Variants in NIPAL1 observed in about 807,000 individuals in gnomAD.
NIPAL1 encodes the protein magnesium transporter NIPA3.
Under a neutral mutation model 37.7 loss-of-function variants are expected in NIPAL1, and 35 were observed. That is an observed-to-expected ratio of 0.93 (90% confidence interval 0.71 to 1.23). The LOEUF is 1.23. Ranked by LOEUF, NIPAL1 falls within the 50% of genes most tolerant of loss-of-function variation. The pLI is 0.00. For synonymous variants in NIPAL1, 162 were observed against 183.0 expected, an observed-to-expected ratio of 0.89 and a Z score of 0.93; for missense variants, 412 against 473.9, an observed-to-expected ratio of 0.87 and a Z score of 1.21.
In NIPAL1 at chr4:48,037,649, A is replaced by T. The variant is rs1485816410; in HGVS notation, c.*1477A>T. Reference sequence around the variant, plus strand: ...TATAATTAGTTACTAACCTTTAAAAATAGATATATTCTAATAGGATAGAAA... The same window carrying T: ...TATAATTAGTTACTAACCTTTAAAATTAGATATATTCTAATAGGATAGAAA... On this transcript the variant is annotated 3_prime_UTR_variant, in exon 6 of 6. Coordinates refer to ENST00000295461, the MANE Select transcript of NIPAL1 (RefSeq NM_207330.3). The T allele has an allele frequency of 6.5e-6, 1 of 154,080 alleles. No individual in the cohort carries two copies. Among genetic ancestry groups the T allele is most frequent in the Non-Finnish European group, 1.4e-5 (1 of 69,296 alleles). The allele number at this position is 154,080 out of a possible 1,614,324, so 9.5% of individuals were successfully genotyped here. A position where few individuals can be genotyped will look rare whatever the true frequency, so the allele number is the denominator to read the frequency against.
intron 1 of NIPAL1, among the ~76,000 whole-genome samples, chr4:48,021,888 T>C (rs1232289955): frequency 2.1e-5 from 1 of 48,318 alleles, no homozygotes; most frequent in African/African-American, 4.8e-5. Flanking sequence ...TACATTGGTG[T>C]GTATATATAT....
Position 48,035,489 on chromosome 4 carries a change from G to T in NIPAL1, c.623-73G>T. The T allele has an allele frequency of 2.9e-6, 4 of 1,399,032 alleles. No homozygotes were observed. The South Asian group carries it at 3.8e-5, about 13-fold the overall frequency. 86.7% of individuals were successfully genotyped at this position (1,399,032 alleles called of 1,614,324 possible). The stretch of plus-strand genomic sequence containing the variant: ...AAAATACCTATGCTCTTAAACTCAT[G>T]ACTAACAAGATTTCAGAAAGGTATA... On this transcript the variant is annotated intron_variant, in intron 5 of 5. Coordinates refer to ENST00000295461, the MANE Select transcript of NIPAL1 (RefSeq NM_207330.3).
At position 48,025,310 on chromosome 4, in the gene NIPAL1, G is replaced by A. The variant is rs138889509; in HGVS notation, c.289G>A (p.Ala97Thr). The change falls in exon 2 of 6, where the codon GCC (alanine) becomes ACC (threonine). Residue 97 changes from alanine to threonine, a missense_variant. Transcript: ENST00000295461. ...ILKKKGLLQL[A>T]SKGFTRAGQG... Reference sequence around the variant, plus strand: ...GAAAAAGAAGGGCCTCTTGCAACTGGCCAGCAAGGGCTTTACTAGAGCTGG... The same window carrying A: ...GAAAAAGAAGGGCCTCTTGCAACTGACCAGCAAGGGCTTTACTAGAGCTGG... 3.1e-3 allele frequency: 4,955 copies of A among 1,614,098 alleles called. 19 individuals carry two copies. The highest frequency in any genetic ancestry group is 4.9e-3 in the Middle Eastern group (30 of 6,062).
rs143955074 is a variant in NIPAL1 at position 48,034,826 on chromosome 4, T to G, written c.462-55T>G. 8.3e-5 allele frequency: 116 copies of G among 1,391,140 alleles called. No individual in the cohort carries two copies. In the African/African-American group the frequency reaches 1.6e-3, roughly 19 times the overall value. The allele number at this position is 1,391,140 out of a possible 1,614,324, so 86.2% of individuals were successfully genotyped here. ...CCACAGTGTGACTTCTGAGCTGCCA[T>G]GGGATCAAAAGGTAATTGAGCTATA... is the stretch of plus-strand genomic sequence containing the variant. On this transcript the variant is annotated intron_variant, in intron 4 of 5. Transcript: ENST00000295461.
rs1258316453 is a variant in NIPAL1 at position 48,016,843 on chromosome 4, G to A, written c.4G>A (p.Gly2Arg). 6.3e-7 allele frequency: 1 copy of A among 1,586,392 alleles called. No individual in the cohort carries two copies. Among genetic ancestry groups the A allele is most frequent in the Non-Finnish European group, 8.5e-7 (1 of 1,170,024 alleles). M[G>R]AQVRLPPGEP... ...CCGGAAGCCCGCTCCCGGGGCCATG[G>A]GGGCACAGGTGAGGCTGCCGCCCGG... Residue 2 changes from glycine (G) to arginine (R), a missense_variant, in exon 1 of 6, where the codon GGG becomes AGG. Transcript: ENST00000295461.
intron 1 of NIPAL1, among the ~76,000 whole-genome samples, chr4:48,019,568 C>T (rs1321462303): frequency 1.3e-5 from 2 of 152,310 alleles, no homozygotes; most frequent in Non-Finnish European, 2.9e-5. Context: ...AGCCAGCACT[C>T]TGTAACAGGC....
Position 48,038,834 on chromosome 4 carries a change from G to A in NIPAL1, c.*2662G>A, listed in dbSNP as rs1038491291. The A allele has an allele frequency of 5.9e-5, 9 of 152,140 alleles. No homozygotes were observed. The highest frequency in any genetic ancestry group is 6.8e-3 in the Middle Eastern group (2 of 294). 9.4% of individuals were successfully genotyped at this position (152,140 alleles called of 1,614,324 possible). A position where few individuals can be genotyped will look rare whatever the true frequency, so the allele number is the denominator to read the frequency against. On this transcript the variant is annotated 3_prime_UTR_variant, in exon 6 of 6. Coordinates refer to ENST00000295461, the MANE Select transcript of NIPAL1 (RefSeq NM_207330.3). ...TTTACAAGGTGTTTGCCCTTGGTAC[G>A]TTATGACCAGGTCAAAGGTTCCCAA...
chr4:48,029,201 G>T (rs1231970790), intron 2 of NIPAL1, among the ~76,000 whole-genome samples: 3 of 152,294 alleles, frequency 2.0e-5, no homozygotes, highest in Admixed American at 6.5e-5. Flanking sequence ...TAAAGAAAAT[G>T]TGGTATAATT....
chr4:48,034,233 T>C (rs1715876470), intron 4 of NIPAL1, among the ~76,000 whole-genome samples: 1 of 152,236 alleles, frequency 6.6e-6, no homozygotes, highest in Non-Finnish European at 1.5e-5. Context: ...CCATGGCCCA[T>C]GGGCTGCATG....
In NIPAL1 at chr4:48,039,404, C is replaced by G. The variant is rs1403790578; in HGVS notation, c.*3232C>G. The G allele has an allele frequency of 1.3e-5, 2 of 152,058 alleles. No individual in the cohort carries two copies. Among genetic ancestry groups the G allele is most frequent in the African/African-American group, 2.4e-5 (1 of 41,482 alleles). The allele number at this position is 152,058 out of a possible 1,614,324, so 9.4% of individuals were successfully genotyped here. ...TAAGGAAGAATAAAATGCTGGACCC[C>G]TATATTCAGACTATTAGTCTTAACT... On this transcript the variant is annotated 3_prime_UTR_variant, in exon 6 of 6. Coordinates refer to ENST00000295461, the MANE Select transcript of NIPAL1 (RefSeq NM_207330.3).
chr4:48,026,623 A>T (rs1166726784), intron 2 of NIPAL1, among the ~76,000 whole-genome samples: 1 of 152,232 alleles, frequency 6.6e-6, no homozygotes, highest in East Asian at 1.9e-4. Flanking sequence ...GTATTGAGAT[A>T]ATTGGAAAAA....
intron 3 of NIPAL1, among the ~76,000 whole-genome samples, chr4:48,032,498 T>C (rs770331897): frequency 6.6e-5 from 10 of 152,226 alleles, no homozygotes; most frequent in Non-Finnish European, 1.2e-4. Flanking sequence ...TCACTTACAA[T>C]AGAGGGATAT....
In NIPAL1 at chr4:48,016,850, A is replaced by G; in HGVS notation, c.11A>G (p.Gln4Arg). Residue 4 changes from glutamine to arginine, a missense_variant, in exon 1 of 6, where the codon CAG (glutamine) becomes CGG (arginine). Physicochemically the swap from Gln to Arg is conservative, Grantham distance 43. Coordinates refer to ENST00000295461, the MANE Select transcript of NIPAL1 (RefSeq NM_207330.3). ...CCCGCTCCCGGGGCCATGGGGGCAC[A>G]GGTGAGGCTGCCGCCCGGAGAGCCC... MGA[Q>R]VRLPPGEPCR... The G allele has an allele frequency of 1.3e-6, 2 of 1,588,914 alleles. No homozygotes were observed.
In NIPAL1 at chr4:48,027,362, A is replaced by G. The variant is rs1715716029; in HGVS notation, c.313+2028A>G. Among the ~76,000 whole-genome samples the G allele has an allele frequency of 1.3e-5, 2 of 152,246 alleles. No homozygotes were observed. Among genetic ancestry groups the G allele is most frequent in the Admixed American group, 6.5e-5 (1 of 15,284 alleles). On this transcript the variant is annotated intron_variant, in intron 2 of 5. Coordinates refer to ENST00000295461, the MANE Select transcript of NIPAL1 (RefSeq NM_207330.3). The surrounding 1 kb of genome is among the most constrained non-coding windows in gnomAD (Gnocchi z 4.1). ...TATTGTTTCACTAGTACCCAAAGAG[A>G]TACCAACTAGACAATAGTCAGGTTC...
Position 48,036,110 on chromosome 4 carries a change from T to G in NIPAL1, c.1171T>G (p.Leu391Val). Reference sequence around the variant, plus strand: ...AAACAATTATGTTTTACTAGAGAACTTGGAGTGTTCAGCCCCAGGATACAA... The same window carrying G: ...AAACAATTATGTTTTACTAGAGAACGTGGAGTGTTCAGCCCCAGGATACAA... ...NENNYVLLEN[L>V]ECSAPGYNDD... is the part of the protein sequence containing the mutation. Residue 391 changes from leucine (L) to valine (V), a missense_variant, in exon 6 of 6, where the codon TTG becomes GTG. Physicochemically the swap from Leu to Val is conservative, Grantham distance 32 (BLOSUM62 1). Transcript: ENST00000295461. The G allele has an allele frequency of 1.2e-6, 2 of 1,610,958 alleles. No individual in the cohort carries two copies. Among genetic ancestry groups the G allele is most frequent in the Non-Finnish European group, 8.5e-7 (1 of 1,179,152 alleles).
intron 3 of NIPAL1, 85 bp downstream of exon 3, chr4:48,030,261 T>G: frequency 1.2e-6 from 1 of 842,426 alleles, no homozygotes; most frequent in Non-Finnish European, 2.0e-6. Flanking sequence ...TTAATCTTCC[T>G]GTCAAGAATG....
chr4:48,034,552 A>G (rs1016161068), intron 4 of NIPAL1, among the ~76,000 whole-genome samples: 2 of 152,232 alleles, frequency 1.3e-5, no homozygotes, highest in East Asian at 3.8e-4. Flanking sequence ...GTATCATGCC[A>G]GTAAGATATA....
intron 3 of NIPAL1, among the ~76,000 whole-genome samples, chr4:48,031,365 C>T (rs988781299): frequency 6.6e-6 from 1 of 152,036 alleles, no homozygotes; most frequent in Admixed American, 6.5e-5. Flanking sequence ...CCGGCCACCC[C>T]TTCAGTTTTT....
intron 3 of NIPAL1, among the ~76,000 whole-genome samples, chr4:48,032,110 G>A (rs1715834886): frequency 6.6e-6 from 1 of 152,162 alleles, no homozygotes; most frequent in African/African-American, 2.4e-5. Flanking sequence ...GTTTAATGAT[G>A]TTTTCCTAAT....
Sources: allele counts gnomAD v4.1 joint callset (sites outside exome capture counted in the v4.1 genomes callset), GRCh38; gene constraint gnomAD v4.1.1; non-coding constraint Gnocchi (gnomAD v3.1); transcripts MANE v1.5; gene names NCBI Gene and HGNC (gene_info 2026-07-23, HGNC 2026-07-21).